ATAD1: variants seen among roughly 807,000 people sequenced by gnomAD.
ATAD1 encodes the protein ATPase family AAA domain containing 1, also known as outer mitochondrial transmembrane helix translocase.
A neutral mutation model predicts 42.7 loss-of-function variants in ATAD1; 18 were observed. The ratio of observed to expected loss-of-function variants is 0.42; its 90% confidence interval spans 0.29 to 0.63. The LOEUF (loss-of-function observed/expected upper bound fraction) is 0.63. Among genes scored for constraint, ATAD1 ranks in the 20% least tolerant of loss-of-function variants. The pLI, the probability that ATAD1 is intolerant of heterozygous loss-of-function variation, is 0.19. For synonymous variants in ATAD1, 132 were observed against 143.1 expected (o/e 0.92, Z 0.55); for missense variants, 294 against 440.4 (o/e 0.67, Z 2.98).
At chr10:87,754,858 T>C (rs758754525) in intron 9 of ATAD1, 51 bp from the exon 10 acceptor site, 1 of 1,565,078 alleles carries the variant, frequency 6.4e-7, no homozygotes, top group South Asian at 1.2e-5. Context: ...AGAATATGCC[T>C]CCCTAAAATA....
At position 87,752,426 on chromosome 10, in the gene ATAD1, C is replaced by T. The variant is rs1854054215; in HGVS notation, c.*2261G>A. The stretch of plus-strand genomic sequence containing the variant: ...ATTAATACGACAGCTAACATTTGAG[C>T]AGTAATTCTGTGCCAGGCACTATGC... On this transcript the variant is annotated 3_prime_UTR_variant, in exon 10 of 10. Coordinates refer to ENST00000680024, the MANE Select transcript of ATAD1 (RefSeq NM_001321967.2). The T allele has an allele frequency of 6.6e-6, 1 of 152,146 alleles. No homozygotes were observed. Among genetic ancestry groups the T allele is most frequent in the Admixed American group, 6.6e-5 (1 of 15,266 alleles). The allele number at this position is 152,146 out of a possible 1,614,324, so 9.4% of individuals were successfully genotyped here.
chr10:87,822,001 A>G (rs183747459), upstream of ATAD1, among the ~76,000 whole-genome samples: 192 of 152,350 alleles, frequency 1.3e-3, 1 homozygote, highest in South Asian at 0.01. Context: ...CAGCTGGAAT[A>G]CATCAAGAAA....
At chr10:87,823,487 G>A (rs958734775) in intron 1 of ATAD1, among the ~76,000 whole-genome samples, 5 of 152,294 alleles carry the variant, frequency 3.3e-5, no homozygotes, top group Admixed American at 6.5e-5. Context: ...GTTTTAAGGC[G>A]TAGATGAAAG....
At chr10:87,762,315 G>A (rs1854516955) in intron 8 of ATAD1, among the ~76,000 whole-genome samples, 1 of 152,106 alleles carries the variant, frequency 6.6e-6, no homozygotes, top group Non-Finnish European at 1.5e-5. Flanking sequence ...CTACCTTCTA[G>A]TATCTGTTAA....
intron 5 of ATAD1, among the ~76,000 whole-genome samples, chr10:87,777,623 C>A (rs923623530): frequency 2.0e-5 from 3 of 151,534 alleles, no homozygotes; most frequent in African/African-American, 4.8e-5. Context: ...AAAAATAAAT[C>A]TAGGATTTTC....
chr10:87,799,609 G>A (rs1339773111), intron 2 of ATAD1, among the ~76,000 whole-genome samples: 1 of 152,042 alleles, frequency 6.6e-6, no homozygotes, highest in Non-Finnish European at 1.5e-5. Context: ...ATTTTGCAAT[G>A]GTGGTTCTGT....
At position 87,763,716 on chromosome 10, in the gene ATAD1, CCT is replaced by C. The variant is rs1854604140; in HGVS notation, c.831+3955_831+3956del. Among the ~76,000 whole-genome samples, 3 of 151,838 alleles carry C rather than the reference CCT, an allele frequency of 2.0e-5. No homozygotes were observed. In the South Asian group the frequency reaches 6.2e-4, roughly 31 times the overall value. On this transcript the variant is annotated intron_variant, in intron 8 of 9. Transcript: ENST00000680024. The stretch of plus-strand genomic sequence containing the variant: ...GTAAACAGAGTGAGACTCTATCTCT[CCT>C]CTCTTTTTTTTTTGTAAGTTACATG...
chr10:87,774,426 T>C (rs1445895919), intron 6 of ATAD1, among the ~76,000 whole-genome samples: 4 of 152,206 alleles, frequency 2.6e-5, no homozygotes, highest in African/African-American at 9.6e-5. Context: ...GGTTCTGATT[T>C]TCTAATCCAA....
intron 3 of ATAD1, among the ~76,000 whole-genome samples, chr10:87,791,290 T>C (rs780478867): frequency 6.6e-6 from 1 of 151,622 alleles, no homozygotes; most frequent in African/African-American, 2.4e-5. Flanking sequence ...ATTTTCAAAA[T>C]AGACAAGAAA....
intron 4 of ATAD1, among the ~76,000 whole-genome samples, chr10:87,785,123 T>C (rs975145831): frequency 5.9e-5 from 9 of 152,220 alleles, no homozygotes; most frequent in African/African-American, 9.6e-5. Flanking sequence ...AAAGGACATG[T>C]GCCTTTTTCC....
chr10:87,805,870 T>C (rs1856898694), intron 2 of ATAD1, among the ~76,000 whole-genome samples: 2 of 152,058 alleles, frequency 1.3e-5, no homozygotes, highest in Admixed American at 6.6e-5. Context: ...CTCTCCAAGC[T>C]TAATTTCACT....
rs1194874293 is a variant in ATAD1 at position 87,753,400 on chromosome 10, G to C, written c.*1287C>G. The C allele has an allele frequency of 1.3e-5, 2 of 152,136 alleles. No individual in the cohort carries two copies. The highest frequency in any genetic ancestry group is 4.8e-5 in the African/African-American group (2 of 41,440). The allele number at this position is 152,136 out of a possible 1,614,324, so 9.4% of individuals were successfully genotyped here. The stretch of plus-strand genomic sequence containing the variant: ...GATTTAGAGTTTTTAAAGAAATACA[G>C]TAAAAGCAAAAACATATGAAGCATA... On this transcript the variant is annotated 3_prime_UTR_variant, in exon 10 of 10. Coordinates refer to ENST00000680024, the MANE Select transcript of ATAD1 (RefSeq NM_001321967.2).
intron 8 of ATAD1, among the ~76,000 whole-genome samples, chr10:87,760,823 G>A (rs576896178): frequency 3.9e-5 from 6 of 152,164 alleles, no homozygotes; most frequent in Admixed American, 6.5e-5. Flanking sequence ...AGTTTGTATA[G>A]GGAAAAAAGC....
chr10:87,795,999 G>C (rs1223774895), intron 2 of ATAD1, among the ~76,000 whole-genome samples: 1 of 152,164 alleles, frequency 6.6e-6, no homozygotes, highest in Admixed American at 6.5e-5. Context: ...ACGAATCACT[G>C]ATATAAAGCT....
intron 8 of ATAD1, 48 bp from the exon 9 acceptor site, chr10:87,756,970 G>GTAAATGATAC: frequency 6.8e-7 from 1 of 1,462,024 alleles, no homozygotes; most frequent in Non-Finnish European, 9.2e-7. Flanking sequence ...TAAATATATT[G>GTAAATGATAC]TAAATGATAC....
Position 87,829,234 on chromosome 10 carries a change from A to ATTTAT in ATAD1, c.-14+11952_-14+11953insATAAA, listed in dbSNP as rs33913276. On this transcript the variant is annotated intron_variant, in intron 1 of 4. Coordinates refer to the ATAD1 transcript ENST00000495903. Reference sequence around the variant, plus strand: ...TCTGGAGGGATTCATTATTTTATTTATTATTTATTTATTTATTTATTTATT... The same window carrying ATTTAT: ...TCTGGAGGGATTCATTATTTTATTTATTTATTTATTTATTTATTTATTTATTTATT... 2.5e-3 allele frequency among the ~76,000 whole-genome samples: 363 copies of ATTTAT among 142,960 alleles called. 2 individuals carry two copies. Among genetic ancestry groups the ATTTAT allele is most frequent in the African/African-American group, 8.7e-3 (336 of 38,734 alleles). 93.8% of individuals were successfully genotyped at this position (142,960 alleles called of 152,430 possible).
At chr10:87,765,460 A>C (rs1854696056) in intron 8 of ATAD1, among the ~76,000 whole-genome samples, 1 of 116,400 alleles carries the variant, frequency 8.6e-6, no homozygotes, top group South Asian at 2.9e-4. Context: ...CTTTAAATTT[A>C]TATTCAAAAT....
intron 2 of ATAD1, among the ~76,000 whole-genome samples, chr10:87,794,429 C>T (rs925463820): frequency 1.3e-5 from 2 of 152,184 alleles, no homozygotes; most frequent in African/African-American, 4.8e-5. Context: ...AACATTTACT[C>T]TTCATTTTCA....
intron 6 of ATAD1, 29 bp from the exon 7 acceptor site, chr10:87,771,070 TA>T: frequency 6.5e-7 from 1 of 1,545,290 alleles, no homozygotes; most frequent in Non-Finnish European, 8.9e-7. Context: ...CAGAAGGTAT[TA>T]AATCTACCAA....
Sources: allele counts gnomAD v4.1 joint callset (sites outside exome capture counted in the v4.1 genomes callset), GRCh38; gene constraint gnomAD v4.1.1; transcripts MANE v1.5; gene names NCBI Gene and HGNC (gene_info 2026-07-23, HGNC 2026-07-21).